Variants in SNX14 observed in about 807,000 individuals in gnomAD.
The protein encoded by SNX14 is sorting nexin 14, also known as sorting nexin-14.
Under a neutral mutation model 133.8 loss-of-function variants are expected in SNX14, and 93 were observed. That is an observed-to-expected ratio of 0.70 (90% confidence interval 0.59 to 0.83). SNX14 has a LOEUF of 0.83. Ranked by LOEUF, SNX14 falls within the 40% of genes least tolerant of loss-of-function variation. The pLI is 0.00. For synonymous variants in SNX14, 368 were observed against 365.6 expected (o/e 1.01, Z -0.07); for missense variants, 945 against 1,094.9 (o/e 0.86, Z 1.93).
chr6:85,514,850 T>C (rs1009263348), intron 23 of SNX14, among the ~76,000 whole-genome samples: 6 of 152,144 alleles, frequency 3.9e-5, no homozygotes, highest in Non-Finnish European at 8.8e-5. Context: ...AACTAAAATA[T>C]TCATTTTAGT....
intron 20 of SNX14, 143 bp from the exon 21 acceptor site, chr6:85,526,380 G>A: frequency 6.5e-6 from 4 of 615,006 alleles, no homozygotes; most frequent in South Asian, 4.0e-5. Flanking sequence ...TTTTTAGAGG[G>A]AAGAATATAG....
intron 21 of SNX14, among the ~76,000 whole-genome samples, chr6:85,525,718 C>T (rs892671585): frequency 5.3e-5 from 8 of 152,060 alleles, no homozygotes; most frequent in African/African-American, 1.9e-4. Flanking sequence ...TGGAAAAATG[C>T]AACTGTCTTA....
chr6:85,522,191 C>T (rs907296552), intron 21 of SNX14, among the ~76,000 whole-genome samples: 4 of 152,186 alleles, frequency 2.6e-5, no homozygotes, highest in Admixed American at 6.5e-5. Context: ...AAAGCTGACT[C>T]CTTCCCCATT....
intron 1 of SNX14, among the ~76,000 whole-genome samples, chr6:85,576,836 T>C (rs1797500089): frequency 6.6e-6 from 1 of 152,202 alleles, no homozygotes; most frequent in Non-Finnish European, 1.5e-5. Context: ...TCAAGAGTCC[T>C]GAGTAATACC....
chr6:85,512,515 G>A (rs935401758), intron 26 of SNX14, among the ~76,000 whole-genome samples: 4 of 151,870 alleles, frequency 2.6e-5, no homozygotes, highest in East Asian at 3.9e-4. Flanking sequence ...CCAGCTACTC[G>A]GGAGGCTGAG....
chr6:85,507,360 C>A (rs1165796160), intron 27 of SNX14, 71 bp from the exon 28 acceptor site: 6 of 1,299,440 alleles, frequency 4.6e-6, no homozygotes, highest in Admixed American at 4.1e-5. Flanking sequence ...ATGATACACA[C>A]AAAATTAAAG....
chr6:85,589,635 A>G (rs2128244375), intron 1 of SNX14: 1 of 152,312 alleles, frequency 6.6e-6, no homozygotes, highest in East Asian at 1.9e-4. Flanking sequence ...TGGCTCTTGA[A>G]TTTCTGTAAG....
chr6:85,574,322 T>A lies in SNX14; in HGVS notation c.197A>T (p.Tyr66Phe). 2 of 1,592,512 alleles carry A rather than the reference T, an allele frequency of 1.3e-6. No homozygotes were observed. The highest frequency in any genetic ancestry group is 1.7e-6 in the Non-Finnish European group (2 of 1,162,602). The change falls in exon 2 of 29, where the codon TAC (tyrosine) becomes TTC (phenylalanine). Residue 66 changes from tyrosine to phenylalanine, a missense_variant. Tyr to Phe is a conservative substitution (Grantham distance 22). Coordinates refer to ENST00000314673, the MANE Select transcript of SNX14 (RefSeq NM_153816.6). ...GAGAGAATCAGGTCCTAGTGAGCAG[T>A]AGAATGTGACAACTCCAGCAACAAA... ...WSFVAGVVTF[Y>F]CSLGPDSLLP...
chr6:85,528,770 A>G (rs1013074242), intron 19 of SNX14, among the ~76,000 whole-genome samples: 2 of 152,160 alleles, frequency 1.3e-5, no homozygotes, highest in African/African-American at 4.8e-5. Context: ...TAAAATCACA[A>G]TGTAGGCTGG....
At chr6:85,565,915 A>G (rs1458989980) in intron 5 of SNX14, among the ~76,000 whole-genome samples, 1 of 152,244 alleles carries the variant, frequency 6.6e-6, no homozygotes, top group Non-Finnish European at 1.5e-5. Flanking sequence ...ACAACCTTCA[A>G]CTGAGGAGTT....
chr6:85,519,123 A>G (rs75439948), intron 21 of SNX14, among the ~76,000 whole-genome samples: 326 of 152,330 alleles, frequency 2.1e-3, no homozygotes, highest in Middle Eastern at 6.8e-3. Context: ...GTCAGTAACC[A>G]GGAATACCCA....
At chr6:85,512,278 A>G (rs1398006517) in intron 26 of SNX14, among the ~76,000 whole-genome samples, 4 of 152,124 alleles carry the variant, frequency 2.6e-5, no homozygotes, top group South Asian at 2.1e-4. Flanking sequence ...TTTTTCTCCA[A>G]TATTCACTGT....
intron 21 of SNX14, among the ~76,000 whole-genome samples, chr6:85,525,739 A>G (rs1439413788): frequency 6.6e-6 from 1 of 152,204 alleles, no homozygotes; most frequent in African/African-American, 2.4e-5. Context: ...AACTAAGTTA[A>G]ATGTTAACAG....
chr6:85,547,019 G>A (rs1179514021), intron 12 of SNX14, 93 bp downstream of exon 12: 4 of 681,992 alleles, frequency 5.9e-6, no homozygotes, highest in South Asian at 2.3e-5. Context: ...TACAATGATA[G>A]ATGGGTACCA....
chr6:85,527,028 C>T (rs1324075510), intron 20 of SNX14, among the ~76,000 whole-genome samples: 7 of 151,930 alleles, frequency 4.6e-5, no homozygotes, highest in Non-Finnish European at 8.8e-5. Flanking sequence ...GAGATCGTGC[C>T]GTTGCGCTCC....
intron 6 of SNX14, 106 bp downstream of exon 6, chr6:85,565,226 C>G (rs1793386516): frequency 1.6e-6 from 1 of 619,128 alleles, no homozygotes; most frequent in Non-Finnish European, 2.8e-6. Context: ...TCTCATGTAC[C>G]CCACAAATAT....
In SNX14 at chr6:85,567,582, A is replaced by C; in HGVS notation, c.418-5T>G. On this transcript the variant is annotated splice_region_variant and splice_polypyrimidine_tract_variant and intron_variant, in intron 4 of 28. Transcript: ENST00000314673. The stretch of plus-strand genomic sequence containing the variant: ...TTCCAACACTAATTCAAGAACCTGC[A>C]TAAACAATTATTTTTTAAAGAAAAA... 6.7e-7 allele frequency: 1 copy of C among 1,502,908 alleles called. No homozygotes were observed. Among genetic ancestry groups the C allele is most frequent in the Non-Finnish European group, 8.9e-7 (1 of 1,129,682 alleles). The allele number at this position is 1,502,908 out of a possible 1,614,324, so 93.1% of individuals were successfully genotyped here.
At chr6:85,514,040 T>G in intron 25 of SNX14, 30 bp downstream of exon 25, 1 of 1,587,124 alleles carries the variant, frequency 6.3e-7, no homozygotes, top group Non-Finnish European at 8.5e-7. Flanking sequence ...GTACACAAAA[T>G]ATGAAACAAA....
chr6:85,564,379 G>C (rs1435336906), intron 6 of SNX14, among the ~76,000 whole-genome samples: 9 of 152,184 alleles, frequency 5.9e-5, no homozygotes, highest in Non-Finnish European at 1.0e-4. Context: ...CTAGTTTACA[G>C]TCCCACCAGC....
Sources: gnomAD v4.1 joint callset for allele counts (sites outside exome capture counted in the v4.1 genomes callset) on GRCh38, gnomAD v4.1.1 for gene constraint, MANE v1.5 for transcripts, NCBI Gene and HGNC (gene_info 2026-07-23, HGNC 2026-07-21) for gene names.